The following CTCF variants were observed in gnomAD, a reference collection of about 807,000 sequenced individuals.
CTCF encodes transcriptional repressor CTCF.
CTCF carries 7 observed loss-of-function variants against 72.3 expected under a neutral mutation model. That is an observed-to-expected ratio of 0.10 (90% CI 0.06 to 0.18). The LOEUF (loss-of-function observed/expected upper bound fraction) is 0.18, where lower values mean the gene tolerates loss of function less well. Ranked by LOEUF, CTCF falls within the 10% of genes least tolerant of loss-of-function variation. The probability of loss-of-function intolerance (pLI) is 1.00; values close to 1 mark genes in which losing one functional copy is unlikely to be tolerated. For synonymous variants in CTCF, 374 were observed against 315.8 expected (o/e 1.18, Z -1.95); for missense variants, 516 against 949.1 (o/e 0.54, Z 6.00).
chr16:67,587,356 T>A (rs565678983), intron 2 of CTCF, among the ~76,000 whole-genome samples: 8 of 152,270 alleles, frequency 5.3e-5, no homozygotes, highest in African/African-American at 1.9e-4. Context: ...TTATTTAAAC[T>A]GTTAGCTTCT....
chr16:67,589,170 C>T lies in CTCF; in HGVS notation c.-10+17906C>T, dbSNP rs187277844. On this transcript the variant is annotated intron_variant, in intron 2 of 11. Transcript: ENST00000264010. The stretch of plus-strand genomic sequence containing the variant: ...AATAGTAGGGTGCAGTGGTGCATGC[C>T]TGTAGTGTCCCAACTACCCAGGAGG... 3.5e-3 allele frequency among the ~76,000 whole-genome samples: 540 copies of T among 152,156 alleles called. 6 individuals carry two copies. The Middle Eastern group carries it at 0.041, about 12-fold the overall frequency.
At position 67,610,985 on chromosome 16, in the gene CTCF, C is replaced by A. The variant is rs771372891; in HGVS notation, c.153C>A (p.Val51=). The change falls in exon 3 of 12, where the codon GTC becomes GTA. Residue 51 remains valine, a synonymous_variant. Transcript: ENST00000264010. The part of the protein sequence containing the change: ...PQNQTDGGEV[V]QDVNSSVQMV... ...ACCAGACGGATGGGGGTGAGGTGGT[C>A]CAGGATGTCAACAGCAGTGTACAGA... 2.5e-6 allele frequency: 4 copies of A among 1,602,972 alleles called. No individual in the cohort carries two copies. Among genetic ancestry groups the A allele is most frequent in the South Asian group, 1.1e-5 (1 of 90,848 alleles).
chr16:67,620,624 G>T, intron 5 of CTCF, 73 bp from the exon 6 acceptor site: 1 of 1,316,224 alleles, frequency 7.6e-7, no homozygotes. Context: ...CTAAGCTTTT[G>T]TGCCTAACCT....
chr16:67,592,640 A>G (rs1379723790), intron 2 of CTCF, among the ~76,000 whole-genome samples: 1 of 152,106 alleles, frequency 6.6e-6, no homozygotes, highest in Non-Finnish European at 1.5e-5. Context: ...AGGAGGCGGA[A>G]GTCGCAGTGA....
intron 9 of CTCF, among the ~76,000 whole-genome samples, chr16:67,628,788 C>T (rs2052323911): frequency 6.6e-6 from 1 of 152,200 alleles, no homozygotes; most frequent in African/African-American, 2.4e-5. Flanking sequence ...TGGCCAGGCG[C>T]GGTGGCTCGC....
At chr16:67,571,084 T>C (rs1055227975) in intron 1 of CTCF, 64 bp from the exon 2 acceptor site, 1 of 152,444 alleles carries the variant, frequency 6.6e-6, no homozygotes, top group Admixed American at 6.6e-5. Flanking sequence ...TCATTTTTTT[T>C]CATACTATAT....
intron 2 of CTCF, among the ~76,000 whole-genome samples, chr16:67,593,228 G>GT (rs1313186038): frequency 3.3e-5 from 5 of 151,888 alleles, no homozygotes; most frequent in Non-Finnish European, 7.4e-5. Context: ...ACATGTCCAA[G>GT]TTTTTTTGTG....
intron 11 of CTCF, 115 bp from the exon 12 acceptor site, chr16:67,637,573 A>G (rs577593619): frequency 1.4e-4 from 111 of 787,476 alleles, no homozygotes; most frequent in Non-Finnish European, 2.1e-4. Flanking sequence ...CTGGACCGCT[A>G]TCTAATAAGG....
chr16:67,590,708 G>A (rs927890219), intron 2 of CTCF, among the ~76,000 whole-genome samples: 1 of 151,596 alleles, frequency 6.6e-6, no homozygotes, highest in Non-Finnish European at 1.5e-5. Flanking sequence ...TGTAATCCTA[G>A]CACTTTGGGA....
rs369072233 is a variant in CTCF at position 67,610,953 on chromosome 16, C to G, written c.121C>G (p.Pro41Ala). The G allele has an allele frequency of 1.2e-4, 188 of 1,586,866 alleles. 1 individual carries two copies. In the South Asian group the frequency reaches 1.8e-3, roughly 15 times the overall value. Residue 41 changes from proline (P) to alanine (A), a missense_variant, in exon 3 of 12, where the codon CCC becomes GCC. Coordinates refer to ENST00000264010, the MANE Select transcript of CTCF (RefSeq NM_006565.4). ...GGQEEDACHL[P>A]QNQTDGGEVV... ...CCAGGAAGAAGATGCCTGCCACTTA[C>G]CCCAGAACCAGACGGATGGGGGTGA...
chr16:67,601,315 G>A, intron 2 of CTCF, among the ~76,000 whole-genome samples: 1 of 150,150 alleles, frequency 6.7e-6, no homozygotes, highest in Non-Finnish European at 1.5e-5. Flanking sequence ...GTGTGTGTGT[G>A]TGTGTGTGTG....
intron 1 of CTCF, among the ~76,000 whole-genome samples, chr16:67,565,490 C>T (rs1022370220): frequency 1.3e-5 from 2 of 151,606 alleles, no homozygotes; most frequent in African/African-American, 4.8e-5. Context: ...CTGACTAACA[C>T]AGTGAAACCC....
chr16:67,594,803 A>T (rs1257200866), intron 2 of CTCF, among the ~76,000 whole-genome samples: 1 of 152,152 alleles, frequency 6.6e-6, no homozygotes, highest in East Asian at 1.9e-4. Context: ...TAGAGACTAC[A>T]GAAACAAAAG....
At chr16:67,597,265 G>A (rs896147202) in intron 2 of CTCF, among the ~76,000 whole-genome samples, 2 of 151,892 alleles carry the variant, frequency 1.3e-5, no homozygotes, top group Non-Finnish European at 2.9e-5. Flanking sequence ...CGAACTCCTG[G>A]GCTCAAGCGA....
At chr16:67,586,910 C>T (rs915977405) in intron 2 of CTCF, among the ~76,000 whole-genome samples, 1 of 152,012 alleles carries the variant, frequency 6.6e-6, no homozygotes, top group Non-Finnish European at 1.5e-5. Flanking sequence ...CCTCCCGCCT[C>T]AGCCTCCTGA....
intron 2 of CTCF, among the ~76,000 whole-genome samples, chr16:67,573,752 G>C (rs961595729): frequency 6.6e-6 from 1 of 152,082 alleles, no homozygotes; most frequent in Non-Finnish European, 1.5e-5. Context: ...GACTTACGTG[G>C]CTGGGCCCAG....
At chr16:67,564,483 C>T (rs564372191) in intron 1 of CTCF, among the ~76,000 whole-genome samples, 1 of 152,318 alleles carries the variant, frequency 6.6e-6, no homozygotes, top group African/African-American at 2.4e-5. Flanking sequence ...TTTTGGAACC[C>T]TGCAAAATAT....
chr16:67,584,991 A>G (rs895048030), intron 2 of CTCF, among the ~76,000 whole-genome samples: 1 of 152,190 alleles, frequency 6.6e-6, no homozygotes, highest in Admixed American at 6.6e-5. Flanking sequence ...TAGAAAAACA[A>G]TGTAGAGGCT....
At chr16:67,592,563 G>A (rs1215438199) in intron 2 of CTCF, among the ~76,000 whole-genome samples, 4 of 151,848 alleles carry the variant, frequency 2.6e-5, no homozygotes, top group Non-Finnish European at 4.4e-5. Flanking sequence ...AAAATTAGCC[G>A]GCATGGTGGC....
Sources: gnomAD v4.1 joint callset for allele counts (sites outside exome capture counted in the v4.1 genomes callset) on GRCh38, gnomAD v4.1.1 for gene constraint, MANE v1.5 for transcripts, NCBI Gene and HGNC (gene_info 2026-07-23, HGNC 2026-07-21) for gene names.